The following ACSS3 variants were observed in gnomAD, a reference collection of about 807,000 sequenced individuals.
ACSS3 encodes the protein acyl-CoA synthetase short chain family member 3, also known as acyl-CoA synthetase short-chain family member 3, mitochondrial.
In ACSS3, 64 loss-of-function variants were observed where a neutral mutation model predicts 84.2. The ratio of observed to expected loss-of-function variants is 0.76; its 90% CI spans 0.62 to 0.94. The LOEUF (loss-of-function observed/expected upper bound fraction) is 0.94, where lower values mean the gene tolerates loss of function less well. Among genes scored for constraint, ACSS3 ranks in the 40% least tolerant of loss-of-function variants. The pLI is 0.00. For synonymous variants in ACSS3, 317 were observed against 310.1 expected (o/e 1.02, Z -0.23); for missense variants, 815 against 867.6 (o/e 0.94, Z 0.76).
chr12:81,204,149 T>C (rs2032235430), intron 9 of ACSS3, among the ~76,000 whole-genome samples: 1 of 152,068 alleles, frequency 6.6e-6, no homozygotes. Context: ...TTTCTTGTGA[T>C]TTAAGATCAC....
At chr12:81,184,705 A>G (rs1444952024) in intron 8 of ACSS3, among the ~76,000 whole-genome samples, 1 of 151,750 alleles carries the variant, frequency 6.6e-6, no homozygotes, top group Non-Finnish European at 1.5e-5. Flanking sequence ...AATATAAGCT[A>G]CCAATATTAA....
At chr12:81,180,130 C>G (rs1414872086) in intron 8 of ACSS3, among the ~76,000 whole-genome samples, 2 of 152,142 alleles carry the variant, frequency 1.3e-5, no homozygotes, top group South Asian at 2.1e-4. Context: ...AATGCAGGAA[C>G]AGAAAACCAA....
chr12:81,135,082 G>C (rs1885714939), intron 3 of ACSS3, 78 bp downstream of exon 3: 1 of 1,273,742 alleles, frequency 7.9e-7, no homozygotes. Flanking sequence ...AATCATCTGA[G>C]AATGCTCTAT....
chr12:81,253,211 G>A, intron 13 of ACSS3, 96 bp from the exon 14 acceptor site: 2 of 1,286,208 alleles, frequency 1.6e-6, no homozygotes, highest in Non-Finnish European at 2.2e-6. Flanking sequence ...GAAATTATAT[G>A]TGTTTGTATA....
Position 81,078,186 on chromosome 12 carries a change from T to A in ACSS3, c.66T>A (p.Pro22=). 1 of 1,547,400 alleles carries A rather than the reference T, an allele frequency of 6.5e-7. No homozygotes were observed. The highest frequency in any genetic ancestry group is 8.7e-7 in the Non-Finnish European group (1 of 1,150,912). ...CCGGGGGGCTCGGAGGGCCCTTGCC[T>A]GGGTCCTCTCCGGCCCGGGGAGCCG... ...TSAGGLGGPL[P]GSSPARGAGA... is the part of the protein sequence containing the mutation. The change falls in exon 1 of 16, where the codon CCT becomes CCA. Residue 22 remains proline (P), a synonymous_variant. Coordinates refer to ENST00000548058, the MANE Select transcript of ACSS3 (RefSeq NM_024560.4).
chr12:81,118,769 T>C (rs2121527973), intron 2 of ACSS3, among the ~76,000 whole-genome samples: 1 of 152,324 alleles, frequency 6.6e-6, no homozygotes, highest in East Asian at 1.9e-4. Flanking sequence ...ACATACTGAA[T>C]GCTTATTGTG....
chr12:81,248,613 TTAGA>T (rs2034057310), intron 13 of ACSS3, among the ~76,000 whole-genome samples: 1 of 151,770 alleles, frequency 6.6e-6, no homozygotes, highest in Admixed American at 6.6e-5. Flanking sequence ...AAATAAACAG[TTAGA>T]TAGAAGGAAT....
At chr12:81,090,592 A>C (rs930658346) in intron 1 of ACSS3, among the ~76,000 whole-genome samples, 1 of 151,986 alleles carries the variant, frequency 6.6e-6, no homozygotes, top group Non-Finnish European at 1.5e-5. Flanking sequence ...CATCTATCCA[A>C]TCAGAACCTC....
rs1434942743 is a variant in ACSS3 at position 81,146,248 on chromosome 12, G to A, written c.921+3001G>A. Among the ~76,000 whole-genome samples the A allele has an allele frequency of 2.6e-5, 4 of 152,120 alleles. No individual in the cohort carries two copies. In the East Asian group the frequency reaches 7.7e-4, roughly 29 times the overall value. Reference sequence around the variant, plus strand: ...GAATGATCTCTTACTTCTCTAGTAAGCCAGCTTCTTGGACACCTCCTTATT... The same window carrying A: ...GAATGATCTCTTACTTCTCTAGTAAACCAGCTTCTTGGACACCTCCTTATT... On this transcript the variant is annotated intron_variant, in intron 5 of 15. Transcript: ENST00000548058.
chr12:81,198,436 G>A lies in ACSS3; in HGVS notation c.1251-905G>A, dbSNP rs193105698. ...TATGAAATGATATGAAAAATTAAGC[G>A]AATAGTAAAATATACTACGTTGTTC... is the stretch of plus-strand genomic sequence containing the variant. On this transcript the variant is annotated intron_variant, in intron 8 of 15. Coordinates refer to ENST00000548058, the MANE Select transcript of ACSS3 (RefSeq NM_024560.4). 3.8e-3 allele frequency among the ~76,000 whole-genome samples: 577 copies of A among 152,060 alleles called. 2 individuals are homozygous for A. The highest frequency in any genetic ancestry group is 0.013 in the African/African-American group (539 of 41,482).
intron 3 of ACSS3, among the ~76,000 whole-genome samples, chr12:81,138,554 G>A (rs932812227): frequency 4.6e-5 from 7 of 152,100 alleles, no homozygotes; most frequent in Non-Finnish European, 8.8e-5. Flanking sequence ...TAAGGACAGG[G>A]GCAGGTCTAG....
intron 8 of ACSS3, among the ~76,000 whole-genome samples, chr12:81,196,478 C>CT (rs1305988271): frequency 1.3e-5 from 2 of 151,720 alleles, no homozygotes; most frequent in Non-Finnish European, 2.9e-5. Context: ...TGACCTTATT[C>CT]TTTTTTTTCT....
chr12:81,132,053 A>T lies in ACSS3; in HGVS notation c.457-2763A>T, dbSNP rs558889585. On this transcript the variant is annotated intron_variant, in intron 2 of 15. Coordinates refer to ENST00000548058, the MANE Select transcript of ACSS3 (RefSeq NM_024560.4). ...CCAGTATTTTATTGAGGATTTTTGCATCGATGTTCATCAGGGATATTGGTC... is the reference window on the plus strand; with the variant it reads ...CCAGTATTTTATTGAGGATTTTTGCTTCGATGTTCATCAGGGATATTGGTC... Among the ~76,000 whole-genome samples, 3 of 152,308 alleles carry T rather than the reference A, an allele frequency of 2.0e-5. No homozygotes were observed. The South Asian group carries it at 6.2e-4, about 32-fold the overall frequency.
intron 10 of ACSS3, among the ~76,000 whole-genome samples, chr12:81,218,381 T>C (rs1025935939): frequency 2.6e-5 from 4 of 152,216 alleles, no homozygotes; most frequent in African/African-American, 9.6e-5. Flanking sequence ...CTTATTTGCA[T>C]ATAAACTACA....
At chr12:81,205,552 G>A (rs1462820184) in intron 9 of ACSS3, among the ~76,000 whole-genome samples, 2 of 152,068 alleles carry the variant, frequency 1.3e-5, no homozygotes, top group Non-Finnish European at 2.9e-5. Flanking sequence ...CACAACTACA[G>A]CCCTGTCTCA....
At chr12:81,098,585 TGA>T (rs2121396995) in intron 1 of ACSS3, among the ~76,000 whole-genome samples, 2 of 152,004 alleles carry the variant, frequency 1.3e-5, no homozygotes, top group South Asian at 4.1e-4. Context: ...GAAGATTAAG[TGA>T]GTTAATTTGT....
chr12:81,153,857 G>T (rs1399571358), intron 7 of ACSS3, among the ~76,000 whole-genome samples: 1 of 152,120 alleles, frequency 6.6e-6, no homozygotes, highest in East Asian at 1.9e-4. Context: ...ATTTTTAGCT[G>T]GCTGATTTTC....
chr12:81,210,622 A>G (rs1383803613), intron 9 of ACSS3, among the ~76,000 whole-genome samples: 1 of 152,174 alleles, frequency 6.6e-6, no homozygotes, highest in Non-Finnish European at 1.5e-5. Context: ...CTAATCTGGA[A>G]TTTTACATTA....
At chr12:81,115,540 A>G (rs1883967844) in intron 2 of ACSS3, among the ~76,000 whole-genome samples, 1 of 151,984 alleles carries the variant, frequency 6.6e-6, no homozygotes, top group Admixed American at 6.6e-5. Flanking sequence ...GGCTCAAGCA[A>G]TCCTCCCGTC....
Sources: allele counts gnomAD v4.1 joint callset (sites outside exome capture counted in the v4.1 genomes callset), GRCh38; gene constraint gnomAD v4.1.1; transcripts MANE v1.5; gene names NCBI Gene and HGNC (gene_info 2026-07-23, HGNC 2026-07-21).